Variants in SUGCT observed in about 807,000 individuals in gnomAD.
SUGCT encodes succinyl-CoA:glutarate-CoA transferase, also known as succinyl-CoA:glutarate CoA-transferase.
Under a neutral mutation model 55.0 loss-of-function variants are expected in SUGCT, and 41 were observed. The observed-to-expected ratio is 0.74, with a 90% CI of 0.58 to 0.97. The LOEUF (loss-of-function observed/expected upper bound fraction) is 0.97, where lower values mean the gene tolerates loss of function less well. Among genes scored for constraint, SUGCT ranks in the 50% least tolerant of loss-of-function variants. SUGCT has a pLI of 0.00. For missense variants in SUGCT, 568 were observed against 547.8 expected (o/e 1.04, Z -0.37); for synonymous variants, 187 against 200.4 (o/e 0.93, Z 0.56).
chr7:40,558,265 T>C (rs1307892309), intron 12 of SUGCT, among the ~76,000 whole-genome samples: 1 of 152,178 alleles, frequency 6.6e-6, no homozygotes, highest in Admixed American at 6.5e-5. Flanking sequence ...ATTCCACTCC[T>C]GGGAATTACT....
intron 13 of SUGCT, among the ~76,000 whole-genome samples, chr7:40,766,664 A>G (rs946539004): frequency 6.6e-6 from 1 of 152,204 alleles, no homozygotes; most frequent in Non-Finnish European, 1.5e-5. Flanking sequence ...GGGTATGTAT[A>G]GAGAACTGCT....
Position 40,369,200 on chromosome 7 carries a change from G to A in SUGCT, c.816+52345G>A, listed in dbSNP as rs573475144. ...CATGCAGTGAGATTAGCACTAGATG[G>A]CAGAGAGGCATTTGGGAACTAATAC... On this transcript the variant is annotated intron_variant, in intron 9 of 13. Transcript: ENST00000335693. 3.3e-5 allele frequency among the ~76,000 whole-genome samples: 5 copies of A among 152,138 alleles called. No homozygotes were observed. The South Asian group carries it at 1.0e-3, about 32-fold the overall frequency.
chr7:41,032,956 G>T, the SUGCT span, among the ~76,000 whole-genome samples: 1 of 152,132 alleles, frequency 6.6e-6, no homozygotes, highest in Non-Finnish European at 1.5e-5. Context: ...TAGACACAGG[G>T]TTTCACCATG....
chr7:40,346,736 T>G (rs926013785), intron 9 of SUGCT, among the ~76,000 whole-genome samples: 12 of 152,148 alleles, frequency 7.9e-5, no homozygotes, highest in Non-Finnish European at 1.5e-5. Context: ...TATGGTTAAA[T>G]GACGTCATGA....
intron 5 of SUGCT, among the ~76,000 whole-genome samples, chr7:40,193,267 G>A (rs1211780473): frequency 6.9e-6 from 1 of 144,512 alleles, no homozygotes; most frequent in Non-Finnish European, 1.5e-5. Flanking sequence ...TATTTGGCCT[G>A]GCCAATTACT....
At chr7:40,269,757 T>C (rs1386070372) in intron 7 of SUGCT, among the ~76,000 whole-genome samples, 2 of 152,244 alleles carry the variant, frequency 1.3e-5, no homozygotes, top group African/African-American at 4.8e-5. Context: ...ATTTGTATAT[T>C]TTCTTTGGAG....
At chr7:40,504,499 A>G (rs530601488) in intron 12 of SUGCT, among the ~76,000 whole-genome samples, 5 of 151,916 alleles carry the variant, frequency 3.3e-5, no homozygotes, top group Admixed American at 6.6e-5. Context: ...CACTGACACA[A>G]TCTTGGCTCA....
At chr7:40,595,456 A>G (rs553890460) in intron 12 of SUGCT, among the ~76,000 whole-genome samples, 4 of 152,318 alleles carry the variant, frequency 2.6e-5, no homozygotes, top group African/African-American at 9.6e-5. Context: ...AGTTGGGAGC[A>G]TTTAATTGAC....
intron 9 of SUGCT, among the ~76,000 whole-genome samples, chr7:40,409,786 T>C (rs1049263295): frequency 6.6e-6 from 1 of 151,938 alleles, no homozygotes; most frequent in African/African-American, 2.4e-5. Context: ...ACTGCAACTT[T>C]TGGAGAAAAT....
At chr7:40,519,161 A>G (rs185779071) in intron 12 of SUGCT, among the ~76,000 whole-genome samples, 19 of 152,182 alleles carry the variant, frequency 1.2e-4, no homozygotes, top group African/African-American at 4.3e-4. Context: ...ATTGAAGTGC[A>G]TTCCATAAAA....
chr7:40,199,792 CTTT>C (rs35337810), intron 6 of SUGCT, among the ~76,000 whole-genome samples: 2 of 138,816 alleles, frequency 1.4e-5, no homozygotes, highest in Admixed American at 7.0e-5. Context: ...AATGAAGTTT[CTTT>C]TTTTTTTTTT....
At chr7:40,315,722 T>C (rs1172649248) in intron 8 of SUGCT, among the ~76,000 whole-genome samples, 1 of 152,224 alleles carries the variant, frequency 6.6e-6, no homozygotes, top group East Asian at 1.9e-4. Context: ...GGGTATGTTT[T>C]AATGACAGGC....
chr7:40,459,654 A>C (rs1199422631), intron 11 of SUGCT, among the ~76,000 whole-genome samples: 1 of 152,206 alleles, frequency 6.6e-6, no homozygotes, highest in African/African-American at 2.4e-5. Flanking sequence ...AAAGCAAGGT[A>C]AAGAGAGGTG....
At chr7:40,639,582 T>G (rs1457449672) in intron 12 of SUGCT, among the ~76,000 whole-genome samples, 1 of 151,718 alleles carries the variant, frequency 6.6e-6, no homozygotes, top group Non-Finnish European at 1.5e-5. Context: ...TGGCGCGATC[T>G]TGGCTCATTG....
chr7:40,877,215 C>A, the SUGCT span, among the ~76,000 whole-genome samples: 1 of 152,106 alleles, frequency 6.6e-6, no homozygotes, highest in Non-Finnish European at 1.5e-5. Flanking sequence ...ATTAAATAGT[C>A]TTTAGATAAA....
chr7:40,903,039 T>TTTCC, the SUGCT span, among the ~76,000 whole-genome samples: 1 of 94,898 alleles, frequency 1.1e-5, no homozygotes, highest in Non-Finnish European at 1.9e-5. Flanking sequence ...TTTCTTTTCT[T>TTTCC]TTTTTTTTTT....
At chr7:40,214,890 G>A (rs978102307) in intron 6 of SUGCT, among the ~76,000 whole-genome samples, 2 of 151,714 alleles carry the variant, frequency 1.3e-5, no homozygotes, top group African/African-American at 4.8e-5. Flanking sequence ...CTCCAGCCTG[G>A]GCAACAGAGT....
In SUGCT at chr7:40,378,826, C is replaced by T. The variant is rs1784731942; in HGVS notation, c.816+61971C>T. Among the ~76,000 whole-genome samples, 3 of 152,276 alleles carry T rather than the reference C, an allele frequency of 2.0e-5. No homozygotes were observed. In the South Asian group the frequency reaches 6.2e-4, roughly 32 times the overall value. Reference sequence around the variant, plus strand: ...ACATGCTTTTCTTTAATTCTCCGAACATATTTTACACAGCTGATTGAAACG... The same window carrying T: ...ACATGCTTTTCTTTAATTCTCCGAATATATTTTACACAGCTGATTGAAACG... On this transcript the variant is annotated intron_variant, in intron 9 of 13. Transcript: ENST00000335693.
intron 12 of SUGCT, among the ~76,000 whole-genome samples, chr7:40,675,509 G>A (rs898085070): frequency 6.6e-6 from 1 of 152,206 alleles, no homozygotes; most frequent in African/African-American, 2.4e-5. Flanking sequence ...GGCTCAGAGA[G>A]AGACAAAAGC....
Sources: allele counts gnomAD v4.1 joint callset (sites outside exome capture counted in the v4.1 genomes callset), GRCh38; gene constraint gnomAD v4.1.1; transcripts MANE v1.5; gene names NCBI Gene and HGNC (gene_info 2026-07-23, HGNC 2026-07-21).